The following ERCC3 variants were observed in gnomAD, a reference collection of about 807,000 sequenced individuals.
ERCC3 encodes ERCC excision repair 3, TFIIH core complex helicase subunit.
Under a neutral mutation model 94.2 loss-of-function variants are expected in ERCC3, and 66 were observed. That is an observed-to-expected ratio of 0.70 (90% CI 0.57 to 0.86). The LOEUF (loss-of-function observed/expected upper bound fraction) is 0.86, where lower values mean the gene tolerates loss of function less well. Ranked by LOEUF, ERCC3 falls within the 40% of genes least tolerant of loss-of-function variation. ERCC3 has a pLI of 0.00. For missense variants in ERCC3, 829 were observed against 987.1 expected (o/e 0.84, Z 2.15); for synonymous variants, 349 against 369.1 (o/e 0.95, Z 0.63).
At chr2:127,290,336 G>T in intron 3 of ERCC3, 63 bp from the exon 4 acceptor site, 1 of 1,304,814 alleles carries the variant, frequency 7.7e-7, no homozygotes, top group Admixed American at 1.7e-5. Flanking sequence ...ATTCATTACT[G>T]GTCACATCTT....
Position 127,293,683 on chromosome 2 carries a change from C to T in ERCC3, c.64G>A (p.Glu22Lys). The part of the protein sequence containing the change: ...KKSRKRHYED[E>K]EDDEEDAPGN... ...GGGGCGTCCTCTTCATCATCCTCTT[C>T]ATCCTCATAGTGCCGCTTCCTGGAT... The change falls in exon 2 of 15, where the codon GAA (glutamate) becomes AAA (lysine). Residue 22 changes from glutamate (E) to lysine (K), a missense_variant. Transcript: ENST00000285398. 6.2e-7 allele frequency: 1 copy of T among 1,613,900 alleles called. No individual in the cohort carries two copies. Among genetic ancestry groups the T allele is most frequent in the Non-Finnish European group, 8.5e-7 (1 of 1,180,042 alleles).
intron 12 of ERCC3, chr2:127,262,746 A>T (rs905823331): frequency 1.3e-5 from 2 of 152,196 alleles, no homozygotes; most frequent in African/African-American, 2.4e-5. Context: ...CAACTTTGTG[A>T]ATATTGTATT....
At position 127,280,506 on chromosome 2, in the gene ERCC3, C is replaced by T. The variant is rs367552856; in HGVS notation, c.1468G>A (p.Glu490Lys). Residue 490 changes from glutamate (E) to lysine (K), a missense_variant, in exon 9 of 15, where the codon GAA becomes AAA. Transcript: ENST00000285398. The surrounding 1 kb of genome is among the most constrained non-coding windows in gnomAD (Gnocchi z 6.3). ...LNFLIGPKLY[E>K]ANWMELQNNG... Reference sequence around the variant, plus strand: ...TTCTGCAGCTCCATCCAGTTGGCTTCGTAGAGCTTAGGCCCAATCAGAAAA... The same window carrying T: ...TTCTGCAGCTCCATCCAGTTGGCTTTGTAGAGCTTAGGCCCAATCAGAAAA... 12 of 1,613,980 alleles carry T rather than the reference C, an allele frequency of 7.4e-6. No homozygotes were observed. Among genetic ancestry groups the T allele is most frequent in the South Asian group, 2.2e-5 (2 of 91,054 alleles).
At chr2:127,278,201 G>GCA (rs1460512965) in intron 10 of ERCC3, among the ~76,000 whole-genome samples, 1 of 149,728 alleles carries the variant, frequency 6.7e-6, no homozygotes, top group African/African-American at 2.5e-5. Flanking sequence ...TTACACCACT[G>GCA]CACTACAGAC....
chr2:127,294,099 AGAG>A lies in ERCC3; in HGVS notation c.-21_-19del. The A allele has an allele frequency of 6.2e-7, 1 of 1,606,604 alleles. No individual in the cohort carries two copies. The highest frequency in any genetic ancestry group is 8.5e-7 in the Non-Finnish European group (1 of 1,179,384). On this transcript the variant is annotated 5_prime_UTR_variant, in exon 1 of 15. Coordinates refer to ENST00000285398, the MANE Select transcript of ERCC3 (RefSeq NM_000122.2). ...TTGCCCATGGCAGCTACAGCAGCAG[AGAG>A]AAGATGACCCCGCTCCCACAGGCCC...
Position 127,259,454 on chromosome 2 carries a change from A to C in ERCC3, c.2065-6T>G, listed in dbSNP as rs200653729. ...CCAGCGAGTTTCGTGATCACCTGCA[A>C]AGCCCAAGCCAGCAGACATGCCCCT... On this transcript the variant is annotated splice_polypyrimidine_tract_variant and splice_region_variant and intron_variant, in intron 13 of 14. Coordinates refer to ENST00000285398, the MANE Select transcript of ERCC3 (RefSeq NM_000122.2). The surrounding 1 kb of genome is among the most constrained non-coding windows in gnomAD (Gnocchi z 4.9). 178 of 1,613,948 alleles carry C rather than the reference A, an allele frequency of 1.1e-4. No individual in the cohort carries two copies. The highest frequency in any genetic ancestry group is 1.4e-4 in the Non-Finnish European group (162 of 1,180,016).
At chr2:127,288,602 C>A in intron 7 of ERCC3, 58 bp downstream of exon 7, 2 of 1,428,690 alleles carry the variant, frequency 1.4e-6, no homozygotes, top group South Asian at 2.3e-5. Context: ...AAGCGGGAGG[C>A]AGCTGGCAGA....
In ERCC3 at chr2:127,258,280, T is replaced by C. The variant is rs1291094173; in HGVS notation, c.2218-553A>G. Among the ~76,000 whole-genome samples, 1 of 152,172 alleles carries C rather than the reference T, an allele frequency of 6.6e-6. No homozygotes were observed. Among genetic ancestry groups the C allele is most frequent in the East Asian group, 1.9e-4 (1 of 5,198 alleles). On this transcript the variant is annotated intron_variant, in intron 14 of 14. Transcript: ENST00000285398. The surrounding 1 kb of genome is among the most constrained non-coding windows in gnomAD (Gnocchi z 4.1). ...AGGGCAAAAGTTCCTTAAAATCTCC[T>C]GAGACACCACCATAAGGCTTTGAAT...
intron 12 of ERCC3, among the ~76,000 whole-genome samples, chr2:127,270,561 A>G (rs1281627866): frequency 3.3e-5 from 5 of 152,230 alleles, no homozygotes; most frequent in African/African-American, 1.2e-4. Context: ...AACGCAGTAC[A>G]GTTCCAACAG....
In ERCC3 at chr2:127,279,124, T is replaced by C. The variant is rs767753563; in HGVS notation, c.1730+49A>G. 5.5e-6 allele frequency: 7 copies of C among 1,278,688 alleles called. No individual in the cohort carries two copies. In the African/African-American group the frequency reaches 8.8e-5, roughly 16 times the overall value. The allele number at this position is 1,278,688 out of a possible 1,614,324, so 79.2% of individuals were successfully genotyped here. A position where few individuals can be genotyped will look rare whatever the true frequency, so the allele number is the denominator to read the frequency against. ...CAACAGCCACCTTCTGCACTCTCAA[T>C]GGGGAAGAGAAACTGGCCTGGAGGA... On this transcript the variant is annotated intron_variant, in intron 10 of 14. Coordinates refer to ENST00000285398, the MANE Select transcript of ERCC3 (RefSeq NM_000122.2). The surrounding 1 kb of genome is among the most constrained non-coding windows in gnomAD (Gnocchi z 4.7).
At chr2:127,292,968 C>T (rs562628115) in intron 2 of ERCC3, 122 bp from the exon 3 acceptor site, 206 of 722,070 alleles carry the variant, frequency 2.9e-4, no homozygotes, top group Non-Finnish European at 3.2e-4. Context: ...TTCTTGCAAG[C>T]ACTCCTTCAG....
Position 127,280,508 on chromosome 2 carries a change from T to C in ERCC3, c.1466A>G (p.Tyr489Cys). 2.5e-6 allele frequency: 4 copies of C among 1,614,090 alleles called. No homozygotes were observed. The highest frequency in any genetic ancestry group is 2.5e-6 in the Non-Finnish European group (3 of 1,180,008). Residue 489 changes from tyrosine (Y) to cysteine (C), a missense_variant, in exon 9 of 15, where the codon TAC becomes TGC. Transcript: ENST00000285398. The surrounding 1 kb of genome is among the most constrained non-coding windows in gnomAD (Gnocchi z 6.3). ...DLNFLIGPKL[Y>C]EANWMELQNN... ...CTGCAGCTCCATCCAGTTGGCTTCG[T>C]AGAGCTTAGGCCCAATCAGAAAATT...
Position 127,279,287 on chromosome 2 carries a change from T to C in ERCC3, c.1616A>G (p.Asn539Ser). Residue 539 changes from asparagine (N) to serine (S), a missense_variant, in exon 10 of 15, where the codon AAC becomes AGC. Coordinates refer to ENST00000285398, the MANE Select transcript of ERCC3 (RefSeq NM_000122.2). This position sits in a 1 kb window ranked among gnomAD's most constrained non-coding sequence, Gnocchi z 4.7. ...KRILLYTMNP[N>S]KFRACQFLIK... The stretch of plus-strand genomic sequence containing the variant: ...CAGAAACTGGCAAGCTCTAAATTTG[T>C]TGGGGTTCATGGTGTACAGCAAGAT... 1.9e-6 allele frequency: 3 copies of C among 1,614,054 alleles called. No individual in the cohort carries two copies. The highest frequency in any genetic ancestry group is 2.5e-6 in the Non-Finnish European group (3 of 1,179,876).
chr2:127,273,225 C>T (rs1558953390), intron 10 of ERCC3, among the ~76,000 whole-genome samples: 1 of 152,160 alleles, frequency 6.6e-6, no homozygotes, highest in Non-Finnish European at 1.5e-5. Context: ...CTTTTTCCTG[C>T]TTCAACATCT....
chr2:127,292,762 C>G lies in ERCC3; in HGVS notation c.319G>C (p.Val107Leu), dbSNP rs1685316918. The G allele has an allele frequency of 6.2e-7, 1 of 1,613,954 alleles. No individual in the cohort carries two copies. The change falls in exon 3 of 15, where the codon GTG (valine) becomes CTG (leucine). Residue 107 changes from valine (V) to leucine (L), a missense_variant. Val to Leu is a conservative substitution (Grantham distance 32). Transcript: ENST00000285398. ...QDFLVAIAEPVCRPTHVHEYK... is the reference protein window; with the variant it reads ...QDFLVAIAEPLCRPTHVHEYK... ...TCATGCACATGGGTTGGTCGGCACA[C>G]TGGCTCTGCAATAGCCACCAAGAAG...
At chr2:127,267,867 G>T (rs1684424043) in intron 12 of ERCC3, among the ~76,000 whole-genome samples, 1 of 152,058 alleles carries the variant, frequency 6.6e-6, no homozygotes, top group African/African-American at 2.4e-5. Flanking sequence ...ATGTAGCTTA[G>T]TTTGGCAGGA....
At chr2:127,282,795 C>G (rs4150443) in intron 8 of ERCC3, among the ~76,000 whole-genome samples, 1 of 152,186 alleles carries the variant, frequency 6.6e-6, no homozygotes, top group Non-Finnish European at 1.5e-5. Context: ...GTGAACTAGA[C>G]GAGAGACAGA....
In ERCC3 at chr2:127,271,541, T is replaced by C; in HGVS notation, c.1828-88A>G. 3 of 931,996 alleles carry C rather than the reference T, an allele frequency of 3.2e-6. No homozygotes were observed. The highest frequency in any genetic ancestry group is 1.3e-5 in the South Asian group (1 of 76,692). The allele number at this position is 931,996 out of a possible 1,614,324, so 57.7% of individuals were successfully genotyped here. A position where few individuals can be genotyped will look rare whatever the true frequency, so the allele number is the denominator to read the frequency against. On this transcript the variant is annotated intron_variant, in intron 11 of 14. Coordinates refer to ENST00000285398, the MANE Select transcript of ERCC3 (RefSeq NM_000122.2). The surrounding 1 kb of genome is among the most constrained non-coding windows in gnomAD (Gnocchi z 5.0). The stretch of plus-strand genomic sequence containing the variant: ...ATTTAAATAAGTTCTGTAGATAATT[T>C]TGAAACATAATCACTCTTTTCTCCT...
rs1234349626 is a variant in ERCC3 at position 127,259,066 on chromosome 2, A to G, written c.2217+230T>C. On this transcript the variant is annotated intron_variant, in intron 14 of 14. Coordinates refer to ENST00000285398, the MANE Select transcript of ERCC3 (RefSeq NM_000122.2). This position sits in a 1 kb window ranked among gnomAD's most constrained non-coding sequence, Gnocchi z 4.9. ...GATTTAACAAATACTCGTGTGAGCA[A>G]AGCAGGAGACCAGTCACAGCCACTG... Among the ~76,000 whole-genome samples, 1 of 152,172 alleles carries G rather than the reference A, an allele frequency of 6.6e-6. No individual in the cohort carries two copies. Among genetic ancestry groups the G allele is most frequent in the African/African-American group, 2.4e-5 (1 of 41,434 alleles).
Sources: gnomAD v4.1 joint callset for allele counts (sites outside exome capture counted in the v4.1 genomes callset) on GRCh38, gnomAD v4.1.1 for gene constraint, Gnocchi (gnomAD v3.1) non-coding constraint, MANE v1.5 for transcripts, NCBI Gene and HGNC (gene_info 2026-07-23, HGNC 2026-07-21) for gene names.